The following NEK3 variants were observed in gnomAD, a reference collection of about 807,000 sequenced individuals.
NEK3 encodes the protein NIMA related kinase 3, also known as serine/threonine-protein kinase Nek3.
NEK3 carries 54 observed loss-of-function variants against 66.0 expected under a neutral mutation model. That is an observed-to-expected ratio of 0.82 (90% CI 0.66 to 1.03). NEK3 has a LOEUF of 1.03. Among genes scored for constraint, NEK3 ranks in the 50% least tolerant of loss-of-function variants. The pLI, the probability that NEK3 is intolerant of heterozygous loss-of-function variation, is 0.00. For missense variants in NEK3, 593 were observed against 603.0 expected, an observed-to-expected ratio of 0.98 and a Z score of 0.17; for synonymous variants, 200 against 206.2, an observed-to-expected ratio of 0.97 and a Z score of 0.26.
chr13:52,135,667 A>G (rs909653832), intron 14 of NEK3, 62 bp downstream of exon 14: 10 of 1,442,490 alleles, frequency 6.9e-6, no homozygotes, highest in Non-Finnish European at 9.4e-6. Flanking sequence ...TATGTTATAT[A>G]TATTTGCCAC....
At chr13:52,154,025 T>C (rs1030893479) in intron 3 of NEK3, 33 bp from the exon 4 acceptor site, 7 of 1,601,498 alleles carry the variant, frequency 4.4e-6, no homozygotes, top group East Asian at 2.2e-5. Context: ...AGAAAAGCTG[T>C]AGTGGCTATA....
In NEK3 at chr13:52,152,693, C is replaced by T. The variant is rs772159432; in HGVS notation, c.310-1G>A. 3 of 1,601,070 alleles carry T rather than the reference C, an allele frequency of 1.9e-6. No individual in the cohort carries two copies. Among genetic ancestry groups the T allele is most frequent in the Non-Finnish European group, 2.6e-6 (3 of 1,172,370 alleles). ...ACATTTGGGTAAACCAATTAAGTATCTGTAAGAAAAAGGTATGCAAAATCT... is the reference window on the plus strand; with the variant it reads ...ACATTTGGGTAAACCAATTAAGTATTTGTAAGAAAAAGGTATGCAAAATCT... On this transcript the variant is annotated splice_acceptor_variant, in intron 4 of 15. Coordinates refer to ENST00000610828, the MANE Select transcript of NEK3 (RefSeq NM_002498.3). LOFTEE classifies it high-confidence loss of function.
intron 10 of NEK3, among the ~76,000 whole-genome samples, chr13:52,142,113 T>A (rs117399046): frequency 0.039 from 5,951 of 151,446 alleles, 130 homozygotes; most frequent in South Asian, 0.065. Flanking sequence ...AAAGTTAATT[T>A]AAAAAAAACC....
At chr13:52,157,715 G>C (rs537581792) in intron 1 of NEK3, among the ~76,000 whole-genome samples, 1 of 152,292 alleles carries the variant, frequency 6.6e-6, no homozygotes, top group Non-Finnish European at 1.5e-5. Flanking sequence ...TAGCACATAA[G>C]AGAAAATGGA....
At chr13:52,145,148 T>C (rs181759880) in intron 8 of NEK3, among the ~76,000 whole-genome samples, 1 of 152,186 alleles carries the variant, frequency 6.6e-6, no homozygotes, top group African/African-American at 2.4e-5. Context: ...TTAGTCCTAA[T>C]GTTTTTTGCA....
chr13:52,136,442 TGAA>T (rs1211712230), intron 12 of NEK3, among the ~76,000 whole-genome samples, 183 bp from the exon 13 acceptor site: 2 of 151,898 alleles, frequency 1.3e-5, no homozygotes, highest in African/African-American at 4.8e-5. Context: ...AAATCCAAAA[TGAA>T]AAATTAAAAC....
chr13:52,142,440 C>T (rs934104633), intron 10 of NEK3, among the ~76,000 whole-genome samples: 1 of 152,102 alleles, frequency 6.6e-6, no homozygotes, highest in African/African-American at 2.4e-5. Flanking sequence ...CCACGCCCAG[C>T]TAATTTTTTG....
At chr13:52,148,165 AAAG>A in intron 8 of NEK3, 1 of 359,320 alleles carries the variant, frequency 2.8e-6, no homozygotes, top group South Asian at 1.4e-4. Context: ...TAGCAAAAAG[AAAG>A]AAAAGAGGAA....
In NEK3 at chr13:52,133,016, A is replaced by G. The variant is rs1028432086; in HGVS notation, c.*126T>C. 1.6e-5 allele frequency: 12 copies of G among 753,796 alleles called. No individual in the cohort carries two copies. The highest frequency in any genetic ancestry group is 2.6e-5 in the Non-Finnish European group (12 of 454,264). The allele number at this position is 753,796 out of a possible 1,614,324, so 46.7% of individuals were successfully genotyped here. ...CTAATCAAGAACGATTTTAAGTATT[A>G]AGAGTTTCCTCTGCTTCATTCTGTT... is the stretch of plus-strand genomic sequence containing the variant. On this transcript the variant is annotated 3_prime_UTR_variant, in exon 16 of 16. Transcript: ENST00000610828.
intron 2 of NEK3, among the ~76,000 whole-genome samples, chr13:52,155,726 G>C (rs904202904): frequency 6.6e-6 from 1 of 152,152 alleles, no homozygotes; most frequent in Non-Finnish European, 1.5e-5. Context: ...ACCAAGGCTG[G>C]AGTGCAGTGG....
chr13:52,135,342 T>C (rs190644327), intron 14 of NEK3, among the ~76,000 whole-genome samples: 26 of 152,260 alleles, frequency 1.7e-4, no homozygotes, highest in Middle Eastern at 3.4e-3. Flanking sequence ...AATGGGCTCC[T>C]CTTCAAAGAA....
intron 8 of NEK3, among the ~76,000 whole-genome samples, chr13:52,146,174 T>C (rs1345050528): frequency 2.0e-5 from 3 of 152,184 alleles, no homozygotes; most frequent in Admixed American, 6.5e-5. Flanking sequence ...TTAATTACAG[T>C]GTGGGGTATA....
At chr13:52,152,378 A>AGTGT (rs537881558) in intron 5 of NEK3, among the ~76,000 whole-genome samples, 1 of 152,144 alleles carries the variant, frequency 6.6e-6, no homozygotes, top group African/African-American at 2.4e-5. Context: ...ATCATTTTAC[A>AGTGT]GTGTGTGTGT....
chr13:52,144,660 C>A, intron 9 of NEK3, 31 bp downstream of exon 9: 1 of 1,583,186 alleles, frequency 6.3e-7, no homozygotes, highest in Non-Finnish European at 8.7e-7. Context: ...CACTTGAAAA[C>A]TGTTCACAAC....
At position 52,156,477 on chromosome 13, in the gene NEK3, C is replaced by A. The variant is rs550411072; in HGVS notation, c.-57-229G>T. On this transcript the variant is annotated intron_variant, in intron 1 of 15. Coordinates refer to ENST00000610828, the MANE Select transcript of NEK3 (RefSeq NM_002498.3). ...TGTATAAATGCAGGGCATAAATTTT[C>A]CTATGTACAGGTAATAAATATCCAT... 5.0e-4 allele frequency: 137 copies of A among 272,052 alleles called. 1 individual carries two copies. In the South Asian group the frequency reaches 6.1e-3, roughly 12 times the overall value. 16.9% of individuals were successfully genotyped at this position (272,052 alleles called of 1,614,324 possible).
rs1311023922 is a variant in NEK3 at position 52,141,083 on chromosome 13, G to A, written c.878-14C>T. On this transcript the variant is annotated splice_polypyrimidine_tract_variant and intron_variant, in intron 10 of 15. Coordinates refer to ENST00000610828, the MANE Select transcript of NEK3 (RefSeq NM_002498.3). ...TGCTGGGGTTTGCTTTTAAAAGAGA[G>A]AGAGAAGGTAGAAAGATAAAACACA... The A allele has an allele frequency of 1.3e-6, 2 of 1,591,948 alleles. No homozygotes were observed. Among genetic ancestry groups the A allele is most frequent in the Non-Finnish European group, 1.7e-6 (2 of 1,168,626 alleles).
At chr13:52,145,991 G>A (rs1186114333) in intron 8 of NEK3, among the ~76,000 whole-genome samples, 1 of 152,096 alleles carries the variant, frequency 6.6e-6, no homozygotes, top group African/African-American at 2.4e-5. Flanking sequence ...TGCTAGTTAC[G>A]TTTGAAAATG....
chr13:52,150,008 G>A (rs772445888), intron 7 of NEK3, among the ~76,000 whole-genome samples: 3 of 151,998 alleles, frequency 2.0e-5, no homozygotes, highest in Admixed American at 6.6e-5. Context: ...ATCTCAATTC[G>A]GTAACATTAT....
At chr13:52,147,332 A>G (rs1188227732) in intron 8 of NEK3, among the ~76,000 whole-genome samples, 1 of 152,236 alleles carries the variant, frequency 6.6e-6, no homozygotes, top group African/African-American at 2.4e-5. Context: ...CCATTTGTTC[A>G]TAACAGCATT....
Sources: allele counts gnomAD v4.1 joint callset (sites outside exome capture counted in the v4.1 genomes callset), GRCh38; gene constraint gnomAD v4.1.1; transcripts MANE v1.5; gene names NCBI Gene and HGNC (gene_info 2026-07-23, HGNC 2026-07-21).